KCNN2: variants seen among roughly 807,000 people sequenced by gnomAD.
KCNN2 encodes the protein small conductance calcium-activated potassium channel protein 2.
A neutral mutation model predicts 55.5 loss-of-function variants in KCNN2; 24 were observed. The ratio of observed to expected loss-of-function variants is 0.43; its 90% CI spans 0.31 to 0.61. The LOEUF (loss-of-function observed/expected upper bound fraction) is 0.61. Among genes scored for constraint, KCNN2 ranks in the 20% least tolerant of loss-of-function variants. KCNN2 has a pLI of 0.08. For synonymous variants in KCNN2, 431 were observed against 336.1 expected, an observed-to-expected ratio of 1.28 and a Z score of -3.09; for missense variants, 754 against 853.6, an observed-to-expected ratio of 0.88 and a Z score of 1.45.
Position 114,362,931 on chromosome 5 carries a change from C to A in KCNN2, c.792C>A (p.Ala264=), listed in dbSNP as rs1561587161. ...GCGGCGCGTCCTCCCCGTCTGCAGC[C>A]GCTGCCGCCGCCGCCGCTGTTTCGT... ...GGGGASSPSA[A]AAAAAAVSSS... The change falls in exon 1 of 8, where the codon GCC becomes GCA. Residue 264 remains alanine (A), a synonymous_variant. Transcript: ENST00000673685. 1.3e-6 allele frequency: 2 copies of A among 1,548,232 alleles called. No individual in the cohort carries two copies. Among genetic ancestry groups the A allele is most frequent in the South Asian group, 2.3e-5 (2 of 87,262 alleles).
intron 2 of KCNN2, among the ~76,000 whole-genome samples, chr5:114,270,179 T>C (rs1169128253): frequency 6.6e-6 from 1 of 152,222 alleles, no homozygotes; most frequent in Non-Finnish European, 1.5e-5. Context: ...CTATAATAAA[T>C]AATCATATGA....
intron 1 of KCNN2, among the ~76,000 whole-genome samples, chr5:114,057,913 A>C (rs1453767872): frequency 6.6e-6 from 1 of 152,248 alleles, no homozygotes; most frequent in Non-Finnish European, 1.5e-5. Context: ...AAGTGGTTGA[A>C]GAAGATGTGG....
At chr5:114,333,432 C>T (rs958363245) in intron 2 of KCNN2, among the ~76,000 whole-genome samples, 1 of 152,134 alleles carries the variant, frequency 6.6e-6, no homozygotes, top group African/African-American at 2.4e-5. Context: ...AAGTTACAAA[C>T]AGACATCCTT....
intron 3 of KCNN2, among the ~76,000 whole-genome samples, chr5:114,429,493 C>T (rs1015320081): frequency 2.0e-5 from 3 of 151,922 alleles, no homozygotes; most frequent in Non-Finnish European, 2.9e-5. Flanking sequence ...TTTTCTAAAT[C>T]GGGTTGTTCA....
chr5:114,464,107 A>G (rs1322699649), intron 4 of KCNN2, among the ~76,000 whole-genome samples: 2 of 152,158 alleles, frequency 1.3e-5, no homozygotes, highest in African/African-American at 4.8e-5. Flanking sequence ...TCATAGGCTC[A>G]GACATCTTTT....
rs149036166 is a variant in KCNN2 at position 114,106,643 on chromosome 5, G to GT, written c.-271+50159dup. On this transcript the variant is annotated intron_variant, in intron 1 of 10. Transcript: ENST00000512097. ...TAATGGCACTGAGGATTTTCCAGTT[G>GT]TTTTTTTTTTTTTTTTGGTCATTTG... 8.4e-3 allele frequency among the ~76,000 whole-genome samples: 588 copies of GT among 69,884 alleles called. 14 individuals carry two copies. The highest frequency in any genetic ancestry group is 0.055 in the East Asian group (130 of 2,378). The allele number at this position is 69,884 out of a possible 152,430, so 45.8% of individuals were successfully genotyped here. A position where few individuals can be genotyped will look rare whatever the true frequency, so the allele number is the denominator to read the frequency against.
At chr5:114,428,946 C>G (rs2150085580) in intron 3 of KCNN2, among the ~76,000 whole-genome samples, 1 of 152,066 alleles carries the variant, frequency 6.6e-6, no homozygotes, top group East Asian at 1.9e-4. Context: ...TCTGAATGTA[C>G]TACAGTTTAT....
intron 1 of KCNN2, among the ~76,000 whole-genome samples, chr5:114,113,959 G>A (rs1019593158): frequency 1.3e-5 from 2 of 152,068 alleles, no homozygotes; most frequent in African/African-American, 4.8e-5. Flanking sequence ...CTATTTTGGG[G>A]TAGCATATTT....
intron 3 of KCNN2, among the ~76,000 whole-genome samples, chr5:114,427,002 G>A (rs1759644271): frequency 6.6e-6 from 1 of 152,196 alleles, no homozygotes; most frequent in African/African-American, 2.4e-5. Context: ...TTTGCTTATT[G>A]TGGAATGGGG....
At chr5:114,407,152 T>A (rs1181944675) in intron 3 of KCNN2, among the ~76,000 whole-genome samples, 1 of 152,072 alleles carries the variant, frequency 6.6e-6, no homozygotes, top group Non-Finnish European at 1.5e-5. Flanking sequence ...ACTGGGAACT[T>A]GGTGGACCTG....
intron 3 of KCNN2, among the ~76,000 whole-genome samples, chr5:114,420,203 A>T (rs1759433022): frequency 6.6e-6 from 1 of 152,252 alleles, no homozygotes; most frequent in Non-Finnish European, 1.5e-5. Flanking sequence ...TAGCCTCTAA[A>T]ACATAGTCAT....
At chr5:114,201,933 G>A (rs114228165) in intron 1 of KCNN2, among the ~76,000 whole-genome samples, 4,524 of 151,640 alleles carry the variant, frequency 0.03, 227 homozygotes, top group African/African-American at 0.1. Context: ...TTTTGCCTTG[G>A]GTATGTTACC....
intron 3 of KCNN2, among the ~76,000 whole-genome samples, chr5:114,412,573 A>T (rs1318305138): frequency 6.6e-6 from 1 of 152,076 alleles, no homozygotes; most frequent in Non-Finnish European, 1.5e-5. Context: ...CACTTGTTCT[A>T]TTTGTGTTTT....
At chr5:114,173,442 GT>G (rs1753079348) in intron 1 of KCNN2, among the ~76,000 whole-genome samples, 2 of 32,102 alleles carry the variant, frequency 6.2e-5, no homozygotes, top group Non-Finnish European at 1.1e-4. Context: ...TTTTGTTTGT[GT>G]GTGTGTGTGT....
At chr5:114,285,401 G>T (rs1006766302) in intron 2 of KCNN2, among the ~76,000 whole-genome samples, 1 of 152,000 alleles carries the variant, frequency 6.6e-6, no homozygotes, top group East Asian at 1.9e-4. Context: ...GTCTGTGAGG[G>T]TGTGTGCAAG....
intron 1 of KCNN2, among the ~76,000 whole-genome samples, chr5:114,114,232 T>C (rs1751665876): frequency 6.6e-6 from 1 of 152,022 alleles, no homozygotes; most frequent in South Asian, 2.1e-4. Context: ...CACTTACTCA[T>C]CAAAACATTT....
intron 2 of KCNN2, among the ~76,000 whole-genome samples, chr5:114,240,969 T>C (rs751098964): frequency 3.1e-4 from 47 of 152,274 alleles, no homozygotes; most frequent in Non-Finnish European, 5.6e-4. Context: ...GATTGCTGAA[T>C]TAAAAATATA....
intron 1 of KCNN2, among the ~76,000 whole-genome samples, chr5:114,137,020 T>A (rs964365617): frequency 6.6e-6 from 1 of 152,190 alleles, no homozygotes; most frequent in Non-Finnish European, 1.5e-5. Flanking sequence ...GCCTTCTCTG[T>A]CCTACTATTC....
intron 1 of KCNN2, among the ~76,000 whole-genome samples, chr5:114,187,876 G>T (rs1300232374): frequency 6.7e-6 from 1 of 149,400 alleles, no homozygotes; most frequent in East Asian, 2.0e-4. Flanking sequence ...GTGCAGTGGC[G>T]CAATCTCGGC....
Sources: gnomAD v4.1 joint callset for allele counts (sites outside exome capture counted in the v4.1 genomes callset) on GRCh38, gnomAD v4.1.1 for gene constraint, MANE v1.5 for transcripts, NCBI Gene and HGNC (gene_info 2026-07-23, HGNC 2026-07-21) for gene names.